MACROD2: variants seen among roughly 807,000 people sequenced by gnomAD.
The protein encoded by MACROD2 is ADP-ribose glycohydrolase MACROD2.
Under a neutral mutation model 70.4 loss-of-function variants are expected in MACROD2, and 36 were observed. The observed-to-expected ratio is 0.51, with a 90% CI of 0.39 to 0.68. The LOEUF (loss-of-function observed/expected upper bound fraction) is 0.68, where lower values mean the gene tolerates loss of function less well. MACROD2 is among the 30% of genes least tolerant of loss of function. The pLI is 0.00. For missense variants in MACROD2, 496 were observed against 538.4 expected, an observed-to-expected ratio of 0.92 and a Z score of 0.78; for synonymous variants, 172 against 178.8, an observed-to-expected ratio of 0.96 and a Z score of 0.30.
chr20:14,615,385 G>A lies in MACROD2; in HGVS notation c.302-69458G>A, dbSNP rs562930965. 5.9e-5 allele frequency among the ~76,000 whole-genome samples: 9 copies of A among 151,986 alleles called. No homozygotes were observed. The East Asian group carries it at 1.4e-3, about 23-fold the overall frequency. On this transcript the variant is annotated intron_variant, in intron 4 of 17. Coordinates refer to ENST00000684519, the MANE Select transcript of MACROD2 (RefSeq NM_001351661.2). ...CCATCACATGCAACAAGAGATAAACGAACAAAAAAAATTATCCTGGCTAAA... is the reference window on the plus strand; with the variant it reads ...CCATCACATGCAACAAGAGATAAACAAACAAAAAAAATTATCCTGGCTAAA...
intron 6 of MACROD2, among the ~76,000 whole-genome samples, chr20:15,349,340 T>A (rs1338928444): frequency 1.3e-5 from 2 of 152,206 alleles, no homozygotes; most frequent in Admixed American, 6.5e-5. Flanking sequence ...CTGTGGGCCA[T>A]GTGTTATTAC....
In MACROD2 at chr20:14,417,933, A is replaced by G. The variant is rs117048968; in HGVS notation, c.272-75546A>G. ...AGATATGATGGATTTTAGAAATTAT[A>G]ATAACACCCTCTGGTTAGTGTTCCT... On this transcript the variant is annotated intron_variant, in intron 3 of 17. Coordinates refer to ENST00000684519, the MANE Select transcript of MACROD2 (RefSeq NM_001351661.2). Among the ~76,000 whole-genome samples the G allele has an allele frequency of 1.7e-3, 257 of 152,372 alleles. 1 individual carries two copies. The Middle Eastern group carries it at 0.027, about 16-fold the overall frequency.
chr20:15,481,499 A>G (rs1255904018), intron 7 of MACROD2, among the ~76,000 whole-genome samples: 3 of 152,210 alleles, frequency 2.0e-5, no homozygotes, highest in Non-Finnish European at 2.9e-5. Flanking sequence ...TATGATATAT[A>G]TGTTTACCTA....
At chr20:14,214,370 C>T (rs1019213456) in intron 3 of MACROD2, among the ~76,000 whole-genome samples, 8 of 152,036 alleles carry the variant, frequency 5.3e-5, no homozygotes, top group Admixed American at 2.0e-4. Flanking sequence ...CTCAATTTCC[C>T]CCTGCTCATG....
chr20:15,302,607 C>CTGGG (rs1404969747), intron 6 of MACROD2, among the ~76,000 whole-genome samples: 1 of 152,198 alleles, frequency 6.6e-6, no homozygotes, highest in Non-Finnish European at 1.5e-5. Flanking sequence ...ATTTTCTACT[C>CTGGG]TGGGTTGGTG....
chr20:14,962,915 CA>C (rs1198571471), intron 5 of MACROD2, among the ~76,000 whole-genome samples: 1 of 151,996 alleles, frequency 6.6e-6, no homozygotes, highest in South Asian at 2.1e-4. Context: ...CTGTGTTACC[CA>C]AATCATTTAC....
chr20:14,205,539 C>T (rs765563006), intron 3 of MACROD2, among the ~76,000 whole-genome samples: 5 of 152,158 alleles, frequency 3.3e-5, no homozygotes, highest in African/African-American at 7.2e-5. Context: ...GGTGCGCATG[C>T]GGGCCCTTAG....
Position 14,867,925 on chromosome 20 carries a change from C to T in MACROD2, c.418+182966C>T, listed in dbSNP as rs146395323. Among the ~76,000 whole-genome samples the T allele has an allele frequency of 2.6e-5, 4 of 152,174 alleles. No homozygotes were observed. In the East Asian group the frequency reaches 7.7e-4, roughly 29 times the overall value. On this transcript the variant is annotated intron_variant, in intron 5 of 17. Transcript: ENST00000684519. ...TGCACCATCTGCCTTTAAGACACCCCTAAGGCTTATACCTCAATCACAACT... is the reference window on the plus strand; with the variant it reads ...TGCACCATCTGCCTTTAAGACACCCTTAAGGCTTATACCTCAATCACAACT...
intron 3 of MACROD2, among the ~76,000 whole-genome samples, chr20:14,276,581 A>T (rs2082259435): frequency 6.6e-6 from 1 of 151,720 alleles, no homozygotes; most frequent in African/African-American, 2.4e-5. Context: ...TACATATGTA[A>T]CTAACCTGCA....
At chr20:15,752,503 A>G (rs146748483) in intron 8 of MACROD2, among the ~76,000 whole-genome samples, 3 of 152,116 alleles carry the variant, frequency 2.0e-5, no homozygotes, top group Admixed American at 1.3e-4. Context: ...CTGTTCCAGT[A>G]TGAGCAGTCC....
intron 8 of MACROD2, among the ~76,000 whole-genome samples, chr20:15,750,991 G>T (rs2051261078): frequency 1.3e-5 from 2 of 151,942 alleles, no homozygotes; most frequent in Non-Finnish European, 2.9e-5. Flanking sequence ...ACCAGAGATG[G>T]GAGGAGTTGG....
At chr20:14,116,580 A>G (rs2054516224) in intron 3 of MACROD2, among the ~76,000 whole-genome samples, 1 of 152,188 alleles carries the variant, frequency 6.6e-6, no homozygotes, top group Non-Finnish European at 1.5e-5. Context: ...GGAAGCACAG[A>G]TGATATTATA....
intron 5 of MACROD2, among the ~76,000 whole-genome samples, chr20:15,136,669 A>G (rs1167918997): frequency 1.3e-5 from 2 of 151,954 alleles, no homozygotes; most frequent in Non-Finnish European, 2.9e-5. Flanking sequence ...CTTCATGTCT[A>G]AAACACCAAA....
chr20:15,411,451 T>G (rs895967620), intron 6 of MACROD2, among the ~76,000 whole-genome samples: 1 of 152,216 alleles, frequency 6.6e-6, no homozygotes, highest in Non-Finnish European at 1.5e-5. Context: ...ATCAAATTCC[T>G]CTTTTCAGGT....
chr20:14,520,235 CAAACT>C (rs1404954625), intron 4 of MACROD2, among the ~76,000 whole-genome samples: 2 of 152,054 alleles, frequency 1.3e-5, no homozygotes, highest in African/African-American at 4.8e-5. Context: ...TTTAAGTGCA[CAAACT>C]AGAGGCTTCT....
At chr20:16,022,514 A>G (rs2067017585) in intron 15 of MACROD2, among the ~76,000 whole-genome samples, 1 of 152,198 alleles carries the variant, frequency 6.6e-6, no homozygotes, top group Non-Finnish European at 1.5e-5. Flanking sequence ...TTACATGTAC[A>G]AGAATCACTA....
intron 4 of MACROD2, among the ~76,000 whole-genome samples, chr20:14,680,348 A>G (rs745390621): frequency 3.3e-5 from 5 of 152,190 alleles, no homozygotes; most frequent in Non-Finnish European, 7.4e-5. Context: ...TTGGAATTTT[A>G]GTTCTCCCCA....
chr20:15,366,891 C>T (rs561735683), intron 6 of MACROD2, among the ~76,000 whole-genome samples: 1 of 151,994 alleles, frequency 6.6e-6, no homozygotes, highest in African/African-American at 2.4e-5. Context: ...ATGTAAATGC[C>T]TCCCATGTTG....
At chr20:14,123,039 T>C (rs1331163383) in intron 3 of MACROD2, among the ~76,000 whole-genome samples, 1 of 152,200 alleles carries the variant, frequency 6.6e-6, no homozygotes, top group Non-Finnish European at 1.5e-5. Flanking sequence ...TTCTGTAGTA[T>C]GGTACCACAG....
Sources: gnomAD v4.1 joint callset for allele counts (sites outside exome capture counted in the v4.1 genomes callset) on GRCh38, gnomAD v4.1.1 for gene constraint, MANE v1.5 for transcripts, NCBI Gene and HGNC (gene_info 2026-07-23, HGNC 2026-07-21) for gene names.